The following CEP112 variants were observed in gnomAD, a reference collection of about 807,000 sequenced individuals.
The protein encoded by CEP112 is centrosomal protein of 112 kDa.
Under a neutral mutation model 153.0 loss-of-function variants are expected in CEP112, and 127 were observed. That is an observed-to-expected ratio of 0.83 (90% CI 0.72 to 0.96). The LOEUF is 0.96. CEP112 is among the 40% of genes least tolerant of loss of function. CEP112 has a pLI of 0.00. For synonymous variants in CEP112, 358 were observed against 374.4 expected (o/e 0.96, Z 0.51); for missense variants, 1,089 against 1,101.2 (o/e 0.99, Z 0.16).
intron 4 of CEP112, among the ~76,000 whole-genome samples, chr17:66,137,350 A>G (rs974249221): frequency 6.6e-6 from 1 of 152,092 alleles, no homozygotes; most frequent in Admixed American, 6.5e-5. Flanking sequence ...ATGAGACACT[A>G]TCAAGCAGGC....
At chr17:66,186,438 C>T (rs1011555340) in intron 1 of CEP112, among the ~76,000 whole-genome samples, 32 of 151,896 alleles carry the variant, frequency 2.1e-4, no homozygotes, top group African/African-American at 7.5e-4. Flanking sequence ...AGTAGGCACC[C>T]GCCACCACGC....
At chr17:65,869,833 CCT>C (rs1441781859) in intron 20 of CEP112, among the ~76,000 whole-genome samples, 1 of 151,886 alleles carries the variant, frequency 6.6e-6, no homozygotes. Flanking sequence ...GATCCACCCG[CCT>C]AGGTCTCCCA....
At chr17:65,883,298 TAC>T (rs915264138) in intron 20 of CEP112, among the ~76,000 whole-genome samples, 7 of 151,292 alleles carry the variant, frequency 4.6e-5, no homozygotes, top group African/African-American at 9.7e-5. Context: ...TATATATATA[TAC>T]ACACACACAC....
intron 6 of CEP112, among the ~76,000 whole-genome samples, chr17:66,120,446 C>T (rs763998619): frequency 1.3e-4 from 20 of 152,148 alleles, no homozygotes; most frequent in Non-Finnish European, 1.5e-4. Context: ...GGTCATCAGC[C>T]CACCTTGGCC....
rs1156388093 is a variant in CEP112, at chr17:66,191,220, C to T, written c.-9+777G>A. ...CTAGGTTCTTAGTGGACAGTGACAG[C>T]TGGGCCTGAACACTGCACAAATTAT... On this transcript the variant is annotated intron_variant, in intron 1 of 26. Coordinates refer to ENST00000535342, the MANE Select transcript of CEP112 (RefSeq NM_001199165.4). This position sits in a 1 kb window ranked among gnomAD's most constrained non-coding sequence, Gnocchi z 4.2. Among the ~76,000 whole-genome samples, 1 of 152,172 alleles carries T rather than the reference C, an allele frequency of 6.6e-6. No individual in the cohort carries two copies. The highest frequency in any genetic ancestry group is 1.9e-4 in the East Asian group (1 of 5,190).
At chr17:66,152,153 G>A (rs895599003) in intron 4 of CEP112, among the ~76,000 whole-genome samples, 1 of 152,162 alleles carries the variant, frequency 6.6e-6, no homozygotes, top group Non-Finnish European at 1.5e-5. Flanking sequence ...AAACATCTTT[G>A]TGTGTAGTGT....
Position 65,947,202 on chromosome 17 carries a change from T to C in CEP112, c.1872+14261A>G, listed in dbSNP as rs2061677579. 2.0e-5 allele frequency among the ~76,000 whole-genome samples: 3 copies of C among 152,152 alleles called. No individual in the cohort carries two copies. In the South Asian group the frequency reaches 6.2e-4, roughly 31 times the overall value. ...GGCTACCTTAGATGACTCTCCTCCG[T>C]GCTCTCTTAATGACCTGTGAACTCC... On this transcript the variant is annotated intron_variant, in intron 18 of 26. Transcript: ENST00000535342.
intron 21 of CEP112, among the ~76,000 whole-genome samples, chr17:65,845,870 A>G (rs2146260348): frequency 6.6e-6 from 1 of 152,282 alleles, no homozygotes; most frequent in East Asian, 1.9e-4. Flanking sequence ...TTGTGGAGGT[A>G]TTTCATGTTT....
At chr17:65,846,353 T>C (rs1162941720) in intron 21 of CEP112, among the ~76,000 whole-genome samples, 1 of 152,106 alleles carries the variant, frequency 6.6e-6, no homozygotes, top group African/African-American at 2.4e-5. Context: ...TCAATAAAGA[T>C]TAATGCTATG....
intron 24 of CEP112, among the ~76,000 whole-genome samples, chr17:65,664,412 G>A (rs1278362313): frequency 6.6e-6 from 1 of 152,194 alleles, no homozygotes; most frequent in Non-Finnish European, 1.5e-5. Context: ...CTGGCAGAGA[G>A]ATCCAATAAG....
At chr17:66,056,965 GGAA>G (rs1346665963) in intron 11 of CEP112, among the ~76,000 whole-genome samples, 6 of 152,180 alleles carry the variant, frequency 3.9e-5, no homozygotes, top group East Asian at 1.9e-4. Flanking sequence ...AGTCAAGACA[GGAA>G]GAAGAATTGT....
chr17:65,716,729 C>G (rs759943914), intron 23 of CEP112, among the ~76,000 whole-genome samples: 19 of 152,010 alleles, frequency 1.2e-4, no homozygotes, highest in Non-Finnish European at 2.2e-4. Flanking sequence ...TTGCAATAGT[C>G]TTGGTAGCGT....
intron 16 of CEP112, among the ~76,000 whole-genome samples, chr17:66,013,197 T>C (rs1350912657): frequency 6.6e-6 from 1 of 152,200 alleles, no homozygotes; most frequent in East Asian, 1.9e-4. Context: ...TTCGTTCCTA[T>C]TCATAGTCTA....
At chr17:65,721,042 C>T (rs541172231) in intron 23 of CEP112, among the ~76,000 whole-genome samples, 8 of 143,008 alleles carry the variant, frequency 5.6e-5, no homozygotes, top group African/African-American at 2.1e-4. Flanking sequence ...GACGGAGTCT[C>T]GCTCTGTTGT....
chr17:65,874,292 T>C (rs913426559), intron 20 of CEP112, among the ~76,000 whole-genome samples: 6 of 152,174 alleles, frequency 3.9e-5, no homozygotes, highest in African/African-American at 1.4e-4. Flanking sequence ...GCACTGTCTT[T>C]TAGTTAACAA....
chr17:65,716,756 G>A (rs2049546678), intron 23 of CEP112, among the ~76,000 whole-genome samples: 1 of 152,060 alleles, frequency 6.6e-6, no homozygotes, highest in Non-Finnish European at 1.5e-5. Flanking sequence ...TTCAAAATGT[G>A]GGGATAATAA....
At position 65,685,896 on chromosome 17, in the gene CEP112, C is replaced by T. The variant is rs1287527526; in HGVS notation, c.2697+3233G>A. On this transcript the variant is annotated intron_variant, in intron 24 of 26. Transcript: ENST00000535342. Reference sequence around the variant, plus strand: ...CCATGTTGGACAGGCTGGTCTCAAACTCCTAACCTCAGGTGATCGGCTTTC... The same window carrying T: ...CCATGTTGGACAGGCTGGTCTCAAATTCCTAACCTCAGGTGATCGGCTTTC... Among the ~76,000 whole-genome samples the T allele has an allele frequency of 9.9e-5, 15 of 152,174 alleles. 1 individual carries two copies. The highest frequency in any genetic ancestry group is 1.5e-5 in the Non-Finnish European group (1 of 68,002).
intron 8 of CEP112, among the ~76,000 whole-genome samples, chr17:66,079,931 G>A (rs990409335): frequency 1.3e-5 from 2 of 152,080 alleles, no homozygotes; most frequent in Non-Finnish European, 2.9e-5. Context: ...TTTAATAAAT[G>A]GTGTTGGGAA....
chr17:65,934,067 T>C (rs2061221702), intron 18 of CEP112, among the ~76,000 whole-genome samples: 1 of 152,178 alleles, frequency 6.6e-6, no homozygotes, highest in Admixed American at 6.5e-5. Flanking sequence ...TGTGTGCCTG[T>C]AGTCCCCGCT....
Sources: allele counts gnomAD v4.1 joint callset (sites outside exome capture counted in the v4.1 genomes callset), GRCh38; gene constraint gnomAD v4.1.1; non-coding constraint Gnocchi (gnomAD v3.1); transcripts MANE v1.5; gene names NCBI Gene and HGNC (gene_info 2026-07-23, HGNC 2026-07-21).